The following COPG2 variants were observed in gnomAD, a reference collection of about 807,000 sequenced individuals.
COPG2 encodes coat protein complex I subunit gamma 2, also known as coatomer subunit gamma-2.
A neutral mutation model predicts 46.3 loss-of-function variants in COPG2; 37 were observed. That is an observed-to-expected ratio of 0.80 (90% CI 0.61 to 1.05). The LOEUF (loss-of-function observed/expected upper bound fraction) is 1.05. Ranked by LOEUF, COPG2 falls within the 50% of genes least tolerant of loss-of-function variation. The pLI, the probability that COPG2 is intolerant of heterozygous loss-of-function variation, is 0.00. For missense variants in COPG2, 427 were observed against 387.8 expected (o/e 1.10, Z -0.85); for synonymous variants, 159 against 129.7 (o/e 1.23, Z -1.53).
At chr7:130,513,341 A>ATGTG (rs1210290028) in intron 20 of COPG2, among the ~76,000 whole-genome samples, 93 of 51,390 alleles carry the variant, frequency 1.8e-3, no homozygotes, top group Non-Finnish European at 3.0e-3. Flanking sequence ...ATATATATAT[A>ATGTG]TGTGTGTGTG....
intron 9 of COPG2, among the ~76,000 whole-genome samples, chr7:130,602,191 C>A (rs1050308988): frequency 1.3e-5 from 2 of 152,190 alleles, no homozygotes; most frequent in Non-Finnish European, 2.9e-5. Context: ...ATAACACATA[C>A]AGTTACACTT....
chr7:130,627,936 T>C (rs1057377228), intron 5 of COPG2, among the ~76,000 whole-genome samples: 5 of 152,196 alleles, frequency 3.3e-5, no homozygotes, highest in Non-Finnish European at 2.9e-5. Context: ...AGAACAACTG[T>C]AGTTGTAAAA....
intron 5 of COPG2, among the ~76,000 whole-genome samples, chr7:130,642,877 G>A (rs1228293860): frequency 1.3e-5 from 2 of 152,118 alleles, no homozygotes; most frequent in Non-Finnish European, 2.9e-5. Context: ...ACAAAAATTA[G>A]CTGGGCGTGG....
rs979601563 is a variant in COPG2 at position 130,516,127 on chromosome 7, G to A, written c.2150-7468C>T. The stretch of plus-strand genomic sequence containing the variant: ...TAGTTTTTATAAGGCAAAATAAAAA[G>A]GTGTACAATAGTGAAGTTAAAATTG... On this transcript the variant is annotated intron_variant, in intron 20 of 23. Transcript: ENST00000425248. Among the ~76,000 whole-genome samples, 23 of 152,274 alleles carry A rather than the reference G, an allele frequency of 1.5e-4. 1 individual carries two copies. The East Asian group carries it at 3.7e-3, about 24-fold the overall frequency.
chr7:130,533,758 G>C (rs1799851604), intron 20 of COPG2, among the ~76,000 whole-genome samples: 1 of 152,156 alleles, frequency 6.6e-6, no homozygotes, highest in African/African-American at 2.4e-5. Context: ...CTGACCCTGA[G>C]GTGGTAGGGA....
chr7:130,532,040 CG>C (rs1372381928), intron 20 of COPG2, among the ~76,000 whole-genome samples: 44 of 152,176 alleles, frequency 2.9e-4, no homozygotes, highest in Non-Finnish European at 5.0e-4. Context: ...CCTGCATCCT[CG>C]GGTGAGAATC....
chr7:130,539,990 A>C (rs1227341996), intron 20 of COPG2, among the ~76,000 whole-genome samples: 10 of 151,796 alleles, frequency 6.6e-5, no homozygotes, highest in Non-Finnish European at 1.3e-4. Context: ...CAGAAGTGTG[A>C]ATCTTGGGCC....
chr7:130,516,975 C>T (rs1016260092), intron 20 of COPG2, among the ~76,000 whole-genome samples: 2 of 152,002 alleles, frequency 1.3e-5, no homozygotes, highest in African/African-American at 2.4e-5. Context: ...GGCTGAGCAG[C>T]GAGTGCCCAT....
chr7:130,525,011 GGGTGTCT>G (rs1428399285), intron 20 of COPG2, among the ~76,000 whole-genome samples: 8 of 152,276 alleles, frequency 5.3e-5, no homozygotes, highest in African/African-American at 1.9e-4. Flanking sequence ...ACGAAGTGGA[GGGTGTCT>G]GGAAGAGAAC....
At chr7:130,603,812 G>A (rs1322702206) in intron 9 of COPG2, 2 of 518,926 alleles carry the variant, frequency 3.9e-6, no homozygotes, top group African/African-American at 3.9e-5. Context: ...ACAACATGGG[G>A]TTAACAGTGC....
At chr7:130,529,458 G>C (rs893527290) in intron 20 of COPG2, among the ~76,000 whole-genome samples, 1 of 152,138 alleles carries the variant, frequency 6.6e-6, no homozygotes, top group African/African-American at 2.4e-5. Context: ...TGCATGATAG[G>C]GGGAGAATCT....
chr7:130,528,229 G>A (rs1799792158), intron 20 of COPG2, among the ~76,000 whole-genome samples: 1 of 152,070 alleles, frequency 6.6e-6, no homozygotes, highest in African/African-American at 2.4e-5. Flanking sequence ...GGACAGCAGT[G>A]AGCGCTGATG....
chr7:130,588,965 A>G (rs997497938), intron 9 of COPG2, among the ~76,000 whole-genome samples: 4 of 152,176 alleles, frequency 2.6e-5, no homozygotes, highest in Admixed American at 2.6e-4. Flanking sequence ...ACACACAAGG[A>G]GAAACTATAT....
At chr7:130,544,194 T>A (rs1411107512) in intron 20 of COPG2, among the ~76,000 whole-genome samples, 1 of 151,974 alleles carries the variant, frequency 6.6e-6, no homozygotes, top group Non-Finnish European at 1.5e-5. Context: ...AGTGGGTGAG[T>A]GGAGGTGAGT....
intron 5 of COPG2, among the ~76,000 whole-genome samples, chr7:130,620,243 C>T (rs1795015601): frequency 6.6e-6 from 1 of 152,072 alleles, no homozygotes. Flanking sequence ...AAGTGTCAGA[C>T]ACTGTTCCAG....
intron 5 of COPG2, among the ~76,000 whole-genome samples, chr7:130,631,172 C>CTTTT (rs55966949): frequency 7.8e-5 from 8 of 102,314 alleles, no homozygotes; most frequent in Non-Finnish European, 1.2e-4. Flanking sequence ...TTTTTCTTTT[C>CTTTT]TTTTTTTTTT....
chr7:130,512,571 G>A (rs1298670777), intron 20 of COPG2, among the ~76,000 whole-genome samples: 4 of 152,070 alleles, frequency 2.6e-5, no homozygotes, highest in Non-Finnish European at 5.9e-5. Flanking sequence ...CTTGAGGTCA[G>A]GAGTTTGAGA....
At chr7:130,613,431 G>C (rs1197754866) in intron 7 of COPG2, 113 bp downstream of exon 7, 4 of 724,886 alleles carry the variant, frequency 5.5e-6, no homozygotes, top group Non-Finnish European at 9.6e-6. Context: ...AAGTAATAGA[G>C]GTGTATACAT....
chr7:130,574,456 A>G (rs1395169895), intron 9 of COPG2, among the ~76,000 whole-genome samples: 1 of 152,168 alleles, frequency 6.6e-6, no homozygotes, highest in African/African-American at 2.4e-5. Context: ...CAATCACTGC[A>G]GTTTGGCTCA....
Sources: allele counts gnomAD v4.1 joint callset (sites outside exome capture counted in the v4.1 genomes callset), GRCh38; gene constraint gnomAD v4.1.1; transcripts MANE v1.5; gene names NCBI Gene and HGNC (gene_info 2026-07-23, HGNC 2026-07-21).